The following MYO16 variants were observed in gnomAD, a reference collection of about 807,000 sequenced individuals.
The protein encoded by MYO16 is unconventional myosin-XVI.
In MYO16, 94 loss-of-function variants were observed where a neutral mutation model predicts 205.3. That is an observed-to-expected ratio of 0.46 (90% confidence interval 0.39 to 0.54). MYO16 has a LOEUF of 0.54. MYO16 is among the 20% of genes least tolerant of loss of function. MYO16 has a pLI of 0.00. For synonymous variants in MYO16, 988 were observed against 954.0 expected, an observed-to-expected ratio of 1.04 and a Z score of -0.66; for missense variants, 2,315 against 2,387.5, an observed-to-expected ratio of 0.97 and a Z score of 0.63.
intron 32 of MYO16, among the ~76,000 whole-genome samples, chr13:109,156,966 A>G (rs1041427949): frequency 6.6e-6 from 1 of 152,072 alleles, no homozygotes; most frequent in Non-Finnish European, 1.5e-5. Flanking sequence ...TTGCCACTCA[A>G]TTTAATCCTC....
chr13:109,163,234 T>C (rs1243308571), intron 32 of MYO16, among the ~76,000 whole-genome samples: 2 of 152,184 alleles, frequency 1.3e-5, no homozygotes, highest in East Asian at 1.9e-4. Flanking sequence ...AGGTCCTGAC[T>C]GGTGGGTAGG....
chr13:108,636,312 A>T (rs1208732817), intron 1 of MYO16, among the ~76,000 whole-genome samples: 1 of 149,682 alleles, frequency 6.7e-6, no homozygotes, highest in East Asian at 2.0e-4. Flanking sequence ...ATATTAAAAT[A>T]ATTTCAACTA....
chr13:108,664,465 G>A (rs145610726), intron 1 of MYO16, among the ~76,000 whole-genome samples: 21 of 152,256 alleles, frequency 1.4e-4, no homozygotes, highest in South Asian at 2.1e-4. Context: ...TGCACCTGGC[G>A]GCTGTGAGAA....
the MYO16 span, among the ~76,000 whole-genome samples, chr13:108,556,322 G>A: frequency 1.3e-5 from 2 of 152,132 alleles, no homozygotes; most frequent in Non-Finnish European, 2.9e-5. Flanking sequence ...TTGGCTAATA[G>A]CCATTTTAAT....
At chr13:108,672,892 G>A (rs543950516) in intron 2 of MYO16, among the ~76,000 whole-genome samples, 18 of 152,112 alleles carry the variant, frequency 1.2e-4, no homozygotes, top group Admixed American at 4.6e-4. Flanking sequence ...ATATTGCTTC[G>A]TACTAATTAG....
chr13:109,195,960 T>C (rs2139957164), intron 34 of MYO16, among the ~76,000 whole-genome samples: 1 of 152,280 alleles, frequency 6.6e-6, no homozygotes, highest in African/African-American at 2.4e-5. Flanking sequence ...AATTAGTAAA[T>C]ATATAAATAA....
At chr13:109,023,880 A>G (rs1594480592) in intron 23 of MYO16, among the ~76,000 whole-genome samples, 1 of 139,006 alleles carries the variant, frequency 7.2e-6, no homozygotes, top group South Asian at 2.2e-4. Flanking sequence ...AAATTTTATT[A>G]AATACTTATA....
chr13:108,581,597 G>A, the MYO16 span, among the ~76,000 whole-genome samples: 4 of 151,928 alleles, frequency 2.6e-5, no homozygotes, highest in African/African-American at 9.7e-5. Context: ...TACAAAGTAG[G>A]GGAAGTGGAC....
chr13:108,618,555 A>T (rs1033019527), intron 1 of MYO16, among the ~76,000 whole-genome samples: 4 of 152,172 alleles, frequency 2.6e-5, no homozygotes, highest in African/African-American at 9.7e-5. Flanking sequence ...CCATGCCTCC[A>T]TCTTGCTTTG....
chr13:108,547,259 A>G, the MYO16 span, among the ~76,000 whole-genome samples: 54 of 149,740 alleles, frequency 3.6e-4, no homozygotes, highest in African/African-American at 1.3e-3. Context: ...CCAACAGAGC[A>G]AGACTCTGTC....
intron 3 of MYO16, among the ~76,000 whole-genome samples, chr13:108,726,343 G>A (rs1240014450): frequency 2.0e-5 from 3 of 152,028 alleles, no homozygotes; most frequent in East Asian, 1.9e-4. Flanking sequence ...GGCGGATCAC[G>A]ATGTCAAGAG....
chr13:108,830,509 A>G lies in MYO16; in HGVS notation c.1097+7231A>G, dbSNP rs200924984. Among the ~76,000 whole-genome samples, 455 of 151,228 alleles carry G rather than the reference A, an allele frequency of 3.0e-3. 3 individuals are homozygous for G. The highest frequency in any genetic ancestry group is 0.024 in the South Asian group (113 of 4,762). On this transcript the variant is annotated intron_variant, in intron 9 of 34. Transcript: ENST00000457511. ...ATCATTCTCAGTAAACTATCGCAAG[A>G]ACAGAAAACCAAACACCGCATATTC...
chr13:108,624,180 T>C (rs1221078988), intron 1 of MYO16, among the ~76,000 whole-genome samples: 3 of 152,190 alleles, frequency 2.0e-5, no homozygotes, highest in Non-Finnish European at 4.4e-5. Flanking sequence ...AAGAATATCT[T>C]TTAGATCATC....
chr13:109,078,027 C>A (rs549313463), intron 27 of MYO16, among the ~76,000 whole-genome samples: 27 of 152,236 alleles, frequency 1.8e-4, no homozygotes, highest in African/African-American at 6.3e-4. Flanking sequence ...GTCCACTAAT[C>A]TTTTCTTCTG....
chr13:108,894,387 A>C (rs2139194806), intron 14 of MYO16, among the ~76,000 whole-genome samples: 1 of 152,278 alleles, frequency 6.6e-6, no homozygotes, highest in African/African-American at 2.4e-5. Flanking sequence ...TAATAATGGC[A>C]TCATTGTTAA....
At chr13:109,123,309 A>G (rs745659843) in intron 29 of MYO16, among the ~76,000 whole-genome samples, 1 of 152,212 alleles carries the variant, frequency 6.6e-6, no homozygotes, top group Non-Finnish European at 1.5e-5. Flanking sequence ...GGTGAAAGTG[A>G]ATCCAGTGAA....
the MYO16 span, among the ~76,000 whole-genome samples, chr13:108,546,074 T>C: frequency 6.6e-6 from 1 of 152,196 alleles, no homozygotes; most frequent in African/African-American, 2.4e-5. Context: ...TGCGGCACTG[T>C]TCTGCGTGAG....
chr13:108,820,353 T>G lies in MYO16; in HGVS notation c.884T>G (p.Leu295Arg), dbSNP rs1875898300. ...ATATTTCAGACAAATCTGGTGAAACTTCTCCTGATGCATCAGGCAAACCCA... is the reference window on the plus strand; with the variant it reads ...ATATTTCAGACAAATCTGGTGAAACGTCTCCTGATGCATCAGGCAAACCCA... ...AKYGQTNLVK[L>R]LLMHQANPHL... Residue 295 changes from leucine (L) to arginine (R), a missense_variant, in exon 8 of 35, where the codon CTT (leucine) becomes CGT (arginine). Coordinates refer to ENST00000457511, the MANE Select transcript of MYO16 (RefSeq NM_001198950.3). 6.2e-7 allele frequency: 1 copy of G among 1,602,558 alleles called. No homozygotes were observed. Among genetic ancestry groups the G allele is most frequent in the Admixed American group, 1.7e-5 (1 of 59,348 alleles).
At chr13:108,634,140 G>T (rs1235811847) in intron 1 of MYO16, among the ~76,000 whole-genome samples, 1 of 152,074 alleles carries the variant, frequency 6.6e-6, no homozygotes, top group South Asian at 2.1e-4. Flanking sequence ...ACCCAGGCAG[G>T]CAGCACTCTC....
Sources: gnomAD v4.1 joint callset for allele counts (sites outside exome capture counted in the v4.1 genomes callset) on GRCh38, gnomAD v4.1.1 for gene constraint, MANE v1.5 for transcripts, NCBI Gene and HGNC (gene_info 2026-07-23, HGNC 2026-07-21) for gene names.